TGFBR2: variants seen among roughly 807,000 people sequenced by gnomAD.
The protein encoded by TGFBR2 is transforming growth factor beta receptor 2.
In TGFBR2, 18 loss-of-function variants were observed where a neutral mutation model predicts 49.0. The ratio of observed to expected loss-of-function variants is 0.37; its 90% CI spans 0.25 to 0.54. The LOEUF (loss-of-function observed/expected upper bound fraction) is 0.54. Ranked by LOEUF, TGFBR2 falls within the 20% of genes least tolerant of loss-of-function variation. The pLI is 0.85. For missense variants in TGFBR2, 525 were observed against 722.6 expected, an observed-to-expected ratio of 0.73 and a Z score of 3.13; for synonymous variants, 282 against 275.9, an observed-to-expected ratio of 1.02 and a Z score of -0.22.
chr3:30,634,814 A>T (rs1698500193), intron 1 of TGFBR2, among the ~76,000 whole-genome samples: 1 of 152,240 alleles, frequency 6.6e-6, no homozygotes, highest in African/African-American at 2.4e-5. Flanking sequence ...CCAACTTTAA[A>T]GCACTTCTCA....
chr3:30,612,905 T>C (rs1698055256), intron 1 of TGFBR2, among the ~76,000 whole-genome samples: 1 of 152,124 alleles, frequency 6.6e-6, no homozygotes, highest in African/African-American at 2.4e-5. Context: ...GCCTTTTACT[T>C]GCCACAGTCA....
chr3:30,670,249 T>A (rs1208614159), intron 3 of TGFBR2, among the ~76,000 whole-genome samples: 1 of 152,220 alleles, frequency 6.6e-6, no homozygotes, highest in Non-Finnish European at 1.5e-5. Flanking sequence ...TACTGTGCCT[T>A]CCATGTTTCT....
chr3:30,644,162 T>C (rs1575143346), intron 1 of TGFBR2, among the ~76,000 whole-genome samples: 1 of 152,270 alleles, frequency 6.6e-6, no homozygotes, highest in African/African-American at 2.4e-5. Flanking sequence ...AGAAGACCCT[T>C]ATAGCTCTTT....
At chr3:30,616,039 G>A (rs1176934656) in intron 1 of TGFBR2, among the ~76,000 whole-genome samples, 3 of 151,862 alleles carry the variant, frequency 2.0e-5, no homozygotes, top group South Asian at 4.2e-4. Context: ...CACTGCACCC[G>A]GCCTGTATGC....
In TGFBR2 at chr3:30,683,295, ACT is replaced by A. The variant is rs1251364626; in HGVS notation, c.1397-5084_1397-5083del. Among the ~76,000 whole-genome samples, 3 of 152,170 alleles carry A rather than the reference ACT, an allele frequency of 2.0e-5. No individual in the cohort carries two copies. The East Asian group carries it at 5.8e-4, about 29-fold the overall frequency. ...GTCTTTGGCAGGTGCTGGTCCTCAA[ACT>A]CTCTGTTACAGATTTGCAATATAAG... is the stretch of plus-strand genomic sequence containing the variant. On this transcript the variant is annotated intron_variant, in intron 5 of 6. Transcript: ENST00000295754.
At chr3:30,637,064 A>G (rs1177455980) in intron 1 of TGFBR2, among the ~76,000 whole-genome samples, 48 of 132,566 alleles carry the variant, frequency 3.6e-4, no homozygotes, top group African/African-American at 1.4e-3. Context: ...ACTCTGTCTG[A>G]AAAAAAAAAA....
intron 1 of TGFBR2, among the ~76,000 whole-genome samples, chr3:30,619,888 G>A (rs1698195933): frequency 6.6e-6 from 1 of 152,090 alleles, no homozygotes; most frequent in African/African-American, 2.4e-5. Flanking sequence ...GTCTCTGTGT[G>A]TTTTAAACTA....
In TGFBR2 at chr3:30,692,870, G is replaced by T; in HGVS notation, c.*1271G>T. 4.3e-6 allele frequency: 1 copy of T among 233,210 alleles called. No individual in the cohort carries two copies. Among genetic ancestry groups the T allele is most frequent in the East Asian group, 6.0e-5 (1 of 16,688 alleles). The allele number at this position is 233,210 out of a possible 1,614,324, so 14.4% of individuals were successfully genotyped here. On this transcript the variant is annotated 3_prime_UTR_variant, in exon 7 of 7. Transcript: ENST00000295754. ...AGGTAAGGATAGCAGATGGTTTTCA[G>T]TTATCTCCAGTCCACGTTCACAAAA...
Position 30,650,708 on chromosome 3 carries a change from T to G in TGFBR2, c.454+248T>G, listed in dbSNP as rs578150518. 1.2e-4 allele frequency among the ~76,000 whole-genome samples: 18 copies of G among 152,320 alleles called. No homozygotes were observed. The South Asian group carries it at 3.5e-3, about 30-fold the overall frequency. On this transcript the variant is annotated intron_variant, in intron 3 of 6. Coordinates refer to ENST00000295754, the MANE Select transcript of TGFBR2 (RefSeq NM_003242.6). The stretch of plus-strand genomic sequence containing the variant: ...AAATAGTTTCTTTCACCTAGAGCAG[T>G]GTTTCTCAAAGTGCGGCCTCTTGAG...
chr3:30,668,379 T>C (rs1699278715), intron 3 of TGFBR2, among the ~76,000 whole-genome samples: 1 of 152,144 alleles, frequency 6.6e-6, no homozygotes, highest in Non-Finnish European at 1.5e-5. Flanking sequence ...GACAAGTGGG[T>C]ACTTCAAGCA....
chr3:30,635,592 C>T (rs982402279), intron 1 of TGFBR2, among the ~76,000 whole-genome samples: 7 of 151,972 alleles, frequency 4.6e-5, no homozygotes, highest in African/African-American at 9.7e-5. Flanking sequence ...TGTTTCATTC[C>T]GTAGAAGACT....
In TGFBR2 at chr3:30,691,814, G is replaced by C; in HGVS notation, c.*215G>C. The C allele has an allele frequency of 1.7e-6, 1 of 574,542 alleles. No homozygotes were observed. Among genetic ancestry groups the C allele is most frequent in the Non-Finnish European group, 3.1e-6 (1 of 320,354 alleles). 35.6% of individuals were successfully genotyped at this position (574,542 alleles called of 1,614,324 possible). The stretch of plus-strand genomic sequence containing the variant: ...TTGACATTGTCATAGGATAAGCTGT[G>C]TTAGCACTTCCTCAGGAAATGAGAT... On this transcript the variant is annotated 3_prime_UTR_variant, in exon 7 of 7. Coordinates refer to ENST00000295754, the MANE Select transcript of TGFBR2 (RefSeq NM_003242.6).
intron 1 of TGFBR2, among the ~76,000 whole-genome samples, chr3:30,641,506 G>A (rs530843873): frequency 6.6e-6 from 1 of 152,120 alleles, no homozygotes; most frequent in Non-Finnish European, 1.5e-5. Flanking sequence ...AACATGTCCT[G>A]CATACAGGCT....
At chr3:30,632,008 G>A (rs1698448126) in intron 1 of TGFBR2, among the ~76,000 whole-genome samples, 1 of 152,084 alleles carries the variant, frequency 6.6e-6, no homozygotes. Flanking sequence ...AAGGAATATT[G>A]CTTTCCATAT....
At chr3:30,649,732 T>A (rs576578071) in intron 2 of TGFBR2, among the ~76,000 whole-genome samples, 32 of 152,182 alleles carry the variant, frequency 2.1e-4, no homozygotes, top group Non-Finnish European at 4.6e-4. Context: ...ACAAGGAGTA[T>A]ACCCTTTACA....
chr3:30,652,501 T>C (rs1373633117), intron 3 of TGFBR2, among the ~76,000 whole-genome samples: 1 of 152,146 alleles, frequency 6.6e-6, no homozygotes, highest in Non-Finnish European at 1.5e-5. Context: ...CCCAAAGTGC[T>C]AGAATTACAG....
At chr3:30,608,521 A>C (rs1697975654) in intron 1 of TGFBR2, among the ~76,000 whole-genome samples, 1 of 152,050 alleles carries the variant, frequency 6.6e-6, no homozygotes, top group Non-Finnish European at 1.5e-5. Flanking sequence ...ACCCGGAGGC[A>C]CTCATTTTAT....
At chr3:30,685,254 T>C (rs1486145093) in intron 5 of TGFBR2, among the ~76,000 whole-genome samples, 1 of 152,214 alleles carries the variant, frequency 6.6e-6, no homozygotes, top group Non-Finnish European at 1.5e-5. Flanking sequence ...GGTAATACAA[T>C]GTGAGATTCA....
chr3:30,636,999 G>A (rs930979705), intron 1 of TGFBR2, among the ~76,000 whole-genome samples: 2 of 151,134 alleles, frequency 1.3e-5, no homozygotes, highest in African/African-American at 4.9e-5. Flanking sequence ...GGGAGGCAGA[G>A]CTTATAGTGA....
Sources: gnomAD v4.1 joint callset for allele counts (sites outside exome capture counted in the v4.1 genomes callset) on GRCh38, gnomAD v4.1.1 for gene constraint, MANE v1.5 for transcripts, NCBI Gene and HGNC (gene_info 2026-07-23, HGNC 2026-07-21) for gene names.